Variants in CDH4 observed in about 807,000 individuals in gnomAD.
CDH4 encodes cadherin-4.
In CDH4, 33 loss-of-function variants were observed where a neutral mutation model predicts 86.0. The observed-to-expected ratio is 0.38, with a 90% CI of 0.29 to 0.51. The LOEUF is 0.51. CDH4 is among the 20% of genes least tolerant of loss of function. The pLI, the probability that CDH4 is intolerant of heterozygous loss-of-function variation, is 0.86. For synonymous variants in CDH4, 555 were observed against 549.4 expected, an observed-to-expected ratio of 1.01 and a Z score of -0.14; for missense variants, 1,114 against 1,307.4, an observed-to-expected ratio of 0.85 and a Z score of 2.28.
chr20:61,803,778 A>G (rs757931113), intron 4 of CDH4, among the ~76,000 whole-genome samples: 42 of 152,238 alleles, frequency 2.8e-4, no homozygotes, highest in Non-Finnish European at 5.0e-4. Flanking sequence ...AGTGAAAGTC[A>G]TTTGTAAGAA....
intron 4 of CDH4, 43 bp from the exon 5 acceptor site, chr20:61,844,625 T>C: frequency 6.3e-7 from 1 of 1,575,280 alleles, no homozygotes; most frequent in Non-Finnish European, 8.7e-7. Flanking sequence ...GGGCCTCTCC[T>C]CACCACAGGA....
intron 2 of CDH4, among the ~76,000 whole-genome samples, chr20:61,713,611 C>A (rs1210658135): frequency 5.9e-5 from 9 of 152,216 alleles, no homozygotes; most frequent in Admixed American, 5.9e-4. Flanking sequence ...AAGACTCCCC[C>A]AGAAAAGGAC....
intron 4 of CDH4, among the ~76,000 whole-genome samples, chr20:61,777,873 C>T (rs577316179): frequency 6.6e-6 from 1 of 151,906 alleles, no homozygotes; most frequent in South Asian, 2.1e-4. Context: ...CACGCACGTG[C>T]ATACTATACA....
intron 4 of CDH4, among the ~76,000 whole-genome samples, chr20:61,784,854 G>T (rs1244845343): frequency 6.6e-6 from 1 of 152,108 alleles, no homozygotes; most frequent in South Asian, 2.1e-4. Flanking sequence ...TGCAGCTCTG[G>T]ATGGCGCGAG....
At chr20:61,672,223 A>G (rs578231533) in intron 2 of CDH4, among the ~76,000 whole-genome samples, 28 of 151,582 alleles carry the variant, frequency 1.8e-4, no homozygotes, top group Non-Finnish European at 3.8e-4. Flanking sequence ...AGATGGGTGT[A>G]TGAATGCATG....
chr20:61,291,399 G>A (rs548079360), intron 2 of CDH4, among the ~76,000 whole-genome samples: 1 of 152,348 alleles, frequency 6.6e-6, no homozygotes, highest in African/African-American at 2.4e-5. Context: ...CGTGGTGTGT[G>A]GGCCCTGGGC....
intron 3 of CDH4, among the ~76,000 whole-genome samples, chr20:61,745,777 C>T (rs2088406559): frequency 6.6e-6 from 1 of 152,194 alleles, no homozygotes; most frequent in African/African-American, 2.4e-5. Flanking sequence ...CTGTGACTTC[C>T]AAGCTGTCCC....
At chr20:61,397,682 T>C (rs1299975007) in intron 2 of CDH4, among the ~76,000 whole-genome samples, 2 of 152,046 alleles carry the variant, frequency 1.3e-5, no homozygotes, top group Admixed American at 6.6e-5. Context: ...AACTGCACTA[T>C]AGTTTTTGTT....
intron 2 of CDH4, among the ~76,000 whole-genome samples, chr20:61,344,030 C>T (rs1320220720): frequency 1.3e-5 from 2 of 152,070 alleles, no homozygotes; most frequent in East Asian, 3.9e-4. Context: ...GGAAGAGGAA[C>T]AAGTTTGAGC....
chr20:61,388,386 C>T (rs2084963656), intron 2 of CDH4, among the ~76,000 whole-genome samples: 1 of 152,130 alleles, frequency 6.6e-6, no homozygotes, highest in African/African-American at 2.4e-5. Context: ...CAATTTCTGC[C>T]CCTACAGCCC....
intron 8 of CDH4, among the ~76,000 whole-genome samples, chr20:61,898,665 G>C (rs944079509): frequency 1.3e-5 from 2 of 152,172 alleles, no homozygotes; most frequent in African/African-American, 4.8e-5. Flanking sequence ...CCCCACCCTT[G>C]GTCCCTGCCT....
At chr20:61,655,217 C>A (rs905250757) in intron 2 of CDH4, among the ~76,000 whole-genome samples, 1 of 152,166 alleles carries the variant, frequency 6.6e-6, no homozygotes, top group Non-Finnish European at 1.5e-5. Context: ...TGGACACACA[C>A]CTGAAAATAA....
intron 2 of CDH4, among the ~76,000 whole-genome samples, chr20:61,396,655 A>T (rs1384415534): frequency 6.6e-6 from 1 of 152,098 alleles, no homozygotes; most frequent in African/African-American, 2.4e-5. Flanking sequence ...TGCTGTGCAG[A>T]CTTCCTCCTC....
intron 4 of CDH4, among the ~76,000 whole-genome samples, chr20:61,819,592 T>A (rs1980912303): frequency 1.3e-5 from 2 of 152,240 alleles, no homozygotes; most frequent in African/African-American, 4.8e-5. Context: ...TTTGCCATGA[T>A]TTAGTACTTG....
intron 3 of CDH4, among the ~76,000 whole-genome samples, chr20:61,772,450 A>G (rs535992531): frequency 2.0e-5 from 3 of 152,262 alleles, no homozygotes; most frequent in African/African-American, 7.2e-5. Flanking sequence ...TTGATCATTT[A>G]TATTTGTTTT....
At chr20:61,796,048 C>G (rs1473538667) in intron 4 of CDH4, among the ~76,000 whole-genome samples, 1 of 152,122 alleles carries the variant, frequency 6.6e-6, no homozygotes, top group Non-Finnish European at 1.5e-5. Context: ...AAGGCAAGGG[C>G]AGGGCTGGCC....
intron 2 of CDH4, among the ~76,000 whole-genome samples, chr20:61,613,658 T>G (rs937814538): frequency 1.3e-5 from 2 of 151,652 alleles, no homozygotes; most frequent in African/African-American, 4.9e-5. Context: ...ATAATTAATT[T>G]CAAGAAGGTA....
intron 2 of CDH4, among the ~76,000 whole-genome samples, chr20:61,649,104 A>G (rs1256901930): frequency 6.6e-6 from 1 of 152,246 alleles, no homozygotes; most frequent in Non-Finnish European, 1.5e-5. Flanking sequence ...GATAACAGTG[A>G]TGGTCACATA....
chr20:61,375,215 G>A (rs1317267276), intron 2 of CDH4, among the ~76,000 whole-genome samples: 2 of 152,174 alleles, frequency 1.3e-5, no homozygotes, highest in African/African-American at 2.4e-5. Flanking sequence ...ATTTTACAGA[G>A]TTTGACTCTT....
Sources: gnomAD v4.1 joint callset for allele counts (sites outside exome capture counted in the v4.1 genomes callset) on GRCh38, gnomAD v4.1.1 for gene constraint, MANE v1.5 for transcripts, NCBI Gene and HGNC (gene_info 2026-07-23, HGNC 2026-07-21) for gene names.